Variants in STPG2 observed in about 807,000 individuals in gnomAD.
The protein encoded by STPG2 is sperm tail PG-rich repeat containing 2.
In STPG2, 56 loss-of-function variants were observed where a neutral mutation model predicts 54.2. The observed-to-expected ratio is 1.03, with a 90% confidence interval of 0.83 to 1.29. The LOEUF (loss-of-function observed/expected upper bound fraction) is 1.29. Among genes scored for constraint, STPG2 ranks in the 50% most tolerant of loss-of-function variants. The pLI is 0.00. For missense variants in STPG2, 596 were observed against 544.9 expected (o/e 1.09, Z -0.93); for synonymous variants, 200 against 181.8 (o/e 1.10, Z -0.81).
At chr4:97,470,765 AATGAGATGAG>A (rs926005502) in intron 4 of STPG2, among the ~76,000 whole-genome samples, 1 of 152,142 alleles carries the variant, frequency 6.6e-6, no homozygotes, top group Admixed American at 6.6e-5. Context: ...GATAAAATGC[AATGAGATGAG>A]ATGAGATGAG....
chr4:97,905,734 A>T (rs1391208950), intron 8 of STPG2, among the ~76,000 whole-genome samples: 1 of 152,182 alleles, frequency 6.6e-6, no homozygotes, highest in Non-Finnish European at 1.5e-5. Context: ...AGACACACAT[A>T]GGCTCAAAAT....
intron 5 of STPG2, among the ~76,000 whole-genome samples, chr4:98,094,193 A>C (rs914601664): frequency 6.6e-6 from 1 of 152,070 alleles, no homozygotes; most frequent in Non-Finnish European, 1.5e-5. Flanking sequence ...AGGACTTTGG[A>C]TAGAGTATTG....
intron 10 of STPG2, among the ~76,000 whole-genome samples, chr4:97,596,844 A>G (rs1444394052): frequency 6.6e-6 from 1 of 152,132 alleles, no homozygotes; most frequent in Non-Finnish European, 1.5e-5. Flanking sequence ...ACCTAACATT[A>G]AATTTAAAGG....
chr4:97,564,207 T>C (rs1487055888), intron 10 of STPG2, among the ~76,000 whole-genome samples: 1 of 152,186 alleles, frequency 6.6e-6, no homozygotes, highest in African/African-American at 2.4e-5. Flanking sequence ...TTGTCTCTTT[T>C]GATCTTTGTT....
chr4:97,784,456 A>G (rs1473733493), intron 9 of STPG2, among the ~76,000 whole-genome samples: 1 of 152,102 alleles, frequency 6.6e-6, no homozygotes, highest in Non-Finnish European at 1.5e-5. Flanking sequence ...TAATGCTGTG[A>G]TATTGAATAT....
chr4:97,783,924 G>T (rs1016917903), intron 9 of STPG2, among the ~76,000 whole-genome samples: 3 of 152,050 alleles, frequency 2.0e-5, no homozygotes, highest in South Asian at 2.1e-4. Context: ...GTCATGGGGT[G>T]GGGGGAGAGG....
chr4:97,834,314 C>T (rs1265493655), intron 9 of STPG2, among the ~76,000 whole-genome samples: 1 of 152,010 alleles, frequency 6.6e-6, no homozygotes, highest in East Asian at 1.9e-4. Flanking sequence ...ACAATGAGAA[C>T]ACATGGACAC....
At chr4:97,648,369 A>T (rs915805049) in intron 10 of STPG2, among the ~76,000 whole-genome samples, 1 of 152,156 alleles carries the variant, frequency 6.6e-6, no homozygotes, top group Admixed American at 6.5e-5. Context: ...TAGCTTGGTA[A>T]ATAGAAGGTG....
intron 5 of STPG2, among the ~76,000 whole-genome samples, chr4:98,071,983 T>C (rs1365725486): frequency 1.3e-5 from 2 of 152,160 alleles, no homozygotes; most frequent in East Asian, 3.9e-4. Context: ...GTTCAACCAT[T>C]GTGGAAAACA....
At chr4:97,670,135 G>A (rs943272772) in intron 10 of STPG2, among the ~76,000 whole-genome samples, 1 of 151,872 alleles carries the variant, frequency 6.6e-6, no homozygotes, top group Admixed American at 6.6e-5. Context: ...TTTTTGATGA[G>A]CAATAAAGTT....
At chr4:97,844,008 T>G (rs1728874094) in intron 8 of STPG2, among the ~76,000 whole-genome samples, 1 of 151,736 alleles carries the variant, frequency 6.6e-6, no homozygotes, top group Admixed American at 6.6e-5. Flanking sequence ...TTGTATGAAA[T>G]CGTGAGGTTT....
At chr4:98,135,606 A>G (rs1409735657) in intron 1 of STPG2, among the ~76,000 whole-genome samples, 1 of 151,842 alleles carries the variant, frequency 6.6e-6, no homozygotes, top group Admixed American at 6.6e-5. Context: ...GTTAAAATTC[A>G]AGGTGTTAAT....
In STPG2 at chr4:97,459,330, T is replaced by A. The variant is rs142171631; in HGVS notation, c.462+253369A>T. Among the ~76,000 whole-genome samples the A allele has an allele frequency of 6.9e-4, 105 of 152,162 alleles. 1 individual carries two copies. Among genetic ancestry groups the A allele is most frequent in the Middle Eastern group, 3.4e-3 (1 of 294 alleles). On this transcript the variant is annotated intron_variant, in intron 4 of 4. Transcript: ENST00000522676. ...GAAGTCACTTTTCTAGACATTCAAG[T>A]GGTCAACTTCTCTTTCGCTAATATT...
chr4:97,561,235 T>C (rs1420898617), intron 10 of STPG2, among the ~76,000 whole-genome samples: 3 of 152,220 alleles, frequency 2.0e-5, no homozygotes, highest in Non-Finnish European at 4.4e-5. Context: ...GTTTTATGGC[T>C]GCATAAATGT....
chr4:97,459,445 T>G (rs1049055788), intron 4 of STPG2, among the ~76,000 whole-genome samples: 4 of 148,818 alleles, frequency 2.7e-5, no homozygotes, highest in African/African-American at 9.9e-5. Flanking sequence ...TTTTTGTTTT[T>G]TTTTTTTTTT....
At chr4:98,016,426 C>T (rs1735947695) in intron 5 of STPG2, among the ~76,000 whole-genome samples, 1 of 152,044 alleles carries the variant, frequency 6.6e-6, no homozygotes, top group Non-Finnish European at 1.5e-5. Context: ...GATTGTATCC[C>T]ACAGGCTTTC....
chr4:98,089,168 C>T (rs1047109751), intron 5 of STPG2, among the ~76,000 whole-genome samples: 6 of 152,006 alleles, frequency 3.9e-5, no homozygotes, highest in African/African-American at 1.4e-4. Flanking sequence ...ACATTGTATA[C>T]TGTACCCAGT....
At chr4:97,865,824 A>G (rs1021519483) in intron 8 of STPG2, among the ~76,000 whole-genome samples, 2 of 152,104 alleles carry the variant, frequency 1.3e-5, no homozygotes, top group South Asian at 2.1e-4. Context: ...CATTGTGCAC[A>G]TGTACCCTAG....
chr4:97,616,123 T>G, intron 10 of STPG2, among the ~76,000 whole-genome samples: 2 of 74,750 alleles, frequency 2.7e-5, no homozygotes, highest in South Asian at 6.4e-4. Context: ...TAAGACAAAA[T>G]AAAGCCATGT....
Sources: gnomAD v4.1 joint callset for allele counts (sites outside exome capture counted in the v4.1 genomes callset) on GRCh38, gnomAD v4.1.1 for gene constraint, MANE v1.5 for transcripts, NCBI Gene and HGNC (gene_info 2026-07-23, HGNC 2026-07-21) for gene names.